The following TBL1X variants were observed in gnomAD, a reference collection of about 807,000 sequenced individuals.
TBL1X encodes the protein F-box-like/WD repeat-containing protein TBL1X.
TBL1X carries 10 observed loss-of-function variants against 50.7 expected under a neutral mutation model. The ratio of observed to expected loss-of-function variants is 0.20; its 90% CI spans 0.12 to 0.33. TBL1X has a LOEUF of 0.33. Ranked by LOEUF, TBL1X falls within the 10% of genes least tolerant of loss-of-function variation. The probability of loss-of-function intolerance (pLI) is 1.00; values close to 1 mark genes in which losing one functional copy is unlikely to be tolerated. For missense variants in TBL1X, 340 were observed against 504.4 expected (o/e 0.67, Z 3.12); for synonymous variants, 190 against 214.7 (o/e 0.88, Z 1.01).
At chrX:9,709,014 A>G (rs893877953) in intron 13 of TBL1X, among the ~76,000 whole-genome samples, 2 of 111,864 alleles carry the variant, frequency 1.8e-5, no homozygotes, top group African/African-American at 6.5e-5. Context: ...TTAATGAAGT[A>G]TGGATGAGAG....
intron 2 of TBL1X, among the ~76,000 whole-genome samples, chrX:9,513,462 A>G (rs748120934): frequency 5.4e-4 from 60 of 111,833 alleles, no homozygotes; most frequent in Non-Finnish European, 9.6e-4. Context: ...GCACCTGCTT[A>G]TCAGATCCTT....
intron 3 of TBL1X, among the ~76,000 whole-genome samples, chrX:9,642,969 C>G (rs779040207): frequency 8.9e-6 from 1 of 112,323 alleles, no homozygotes; most frequent in South Asian, 3.7e-4. Context: ...GGTGAGGCTC[C>G]GAGAGGCCCA....
intron 2 of TBL1X, among the ~76,000 whole-genome samples, chrX:9,599,237 A>G (rs897934579): frequency 9.0e-6 from 1 of 111,448 alleles, no homozygotes; most frequent in African/African-American, 3.3e-5. Flanking sequence ...AGCCACTGCA[A>G]CTGGCCAAAT....
intron 1 of TBL1X, among the ~76,000 whole-genome samples, chrX:9,486,337 G>A (rs1011573202): frequency 9.2e-6 from 1 of 108,720 alleles, no homozygotes; most frequent in Non-Finnish European, 1.9e-5. Flanking sequence ...GGGCTCAAGC[G>A]ATCCTCCCAC....
chrX:9,605,226 A>T (rs1479343494), intron 2 of TBL1X, among the ~76,000 whole-genome samples: 1 of 111,412 alleles, frequency 9.0e-6, no homozygotes, highest in Non-Finnish European at 1.9e-5. Flanking sequence ...GAGCCCACAC[A>T]TGAGATCCAG....
At chrX:9,695,183 A>G (rs2083124246) in intron 11 of TBL1X, among the ~76,000 whole-genome samples, 1 of 110,730 alleles carries the variant, frequency 9.0e-6, no homozygotes, top group South Asian at 3.7e-4. Flanking sequence ...GGTTGCTTTC[A>G]TGCTACAATG....
At chrX:9,481,316 C>G (rs1348223649) in intron 1 of TBL1X, among the ~76,000 whole-genome samples, 1 of 111,978 alleles carries the variant, frequency 8.9e-6, no homozygotes, top group Non-Finnish European at 1.9e-5. Flanking sequence ...ATTGCTCATT[C>G]TTTTGTTTTT....
At chrX:9,697,299 A>G in intron 11 of TBL1X, 70 bp from the exon 12 acceptor site, 3 of 1,174,179 alleles carry the variant, frequency 2.6e-6, no homozygotes, top group Non-Finnish European at 3.5e-6. Flanking sequence ...CTTTTCTTGT[A>G]TGATAAATGT....
At chrX:9,671,738 T>C (rs973014067) in intron 5 of TBL1X, among the ~76,000 whole-genome samples, 1 of 112,510 alleles carries the variant, frequency 8.9e-6, no homozygotes, top group African/African-American at 3.2e-5. Context: ...GCAGAGCCTC[T>C]GCTCACATGG....
intron 2 of TBL1X, among the ~76,000 whole-genome samples, chrX:9,563,377 C>T (rs769469338): frequency 8.9e-6 from 1 of 112,183 alleles, no homozygotes; most frequent in East Asian, 2.8e-4. Flanking sequence ...TCTACAAGGC[C>T]CTTGAGTTCC....
At chrX:9,686,760 G>A (rs925620101) in intron 6 of TBL1X, among the ~76,000 whole-genome samples, 1 of 111,864 alleles carries the variant, frequency 8.9e-6, no homozygotes. Flanking sequence ...TTACTACTTT[G>A]GACAGTTACC....
At chrX:9,713,628 A>T (rs967606296) in intron 16 of TBL1X, among the ~76,000 whole-genome samples, 5 of 109,388 alleles carry the variant, frequency 4.6e-5, no homozygotes, top group African/African-American at 1.7e-4. Flanking sequence ...GGGTCTCACC[A>T]TGTTGGCCAG....
In TBL1X at chrX:9,667,255, C is replaced by T. The variant is rs775496983; in HGVS notation, c.211+12933C>T. On this transcript the variant is annotated intron_variant, in intron 5 of 17. Transcript: ENST00000645353. ...CAGCCTGGGTGACAGAGCGAGACTC[C>T]GTTCCCCCCTACCCCCAAAAAGAAC... is the stretch of plus-strand genomic sequence containing the variant. Among the ~76,000 whole-genome samples, 24 of 111,506 alleles carry T rather than the reference C, an allele frequency of 2.2e-4. No individual in the cohort carries two copies. In the East Asian group the frequency reaches 2.3e-3, roughly 11 times the overall value.
intron 2 of TBL1X, among the ~76,000 whole-genome samples, chrX:9,619,586 T>C (rs2146566922): frequency 8.9e-6 from 1 of 112,739 alleles, no homozygotes; most frequent in East Asian, 2.8e-4. Context: ...ATACATTCAA[T>C]GTTATTTTCA....
In TBL1X at chrX:9,561,479, A is replaced by G. The variant is rs369462094; in HGVS notation, c.-131+59630A>G. 1.0e-3 allele frequency among the ~76,000 whole-genome samples: 117 copies of G among 111,598 alleles called. 1 individual carries two copies. Among genetic ancestry groups the G allele is most frequent in the Non-Finnish European group, 2.0e-3 (107 of 53,095 alleles). ...GGAGCGTTGAAGTCTGAAGAGTGAC[A>G]TCTGGGTTCTCTGTACGTTCTGATT... On this transcript the variant is annotated intron_variant, in intron 2 of 17. Transcript: ENST00000645353.
chrX:9,505,868 AC>A (rs1233008730), intron 2 of TBL1X, among the ~76,000 whole-genome samples: 6 of 111,981 alleles, frequency 5.4e-5, no homozygotes, highest in Non-Finnish European at 9.4e-5. Context: ...AGACTTTAAC[AC>A]CCCACTGTCA....
chrX:9,578,728 G>A (rs2082425309), intron 2 of TBL1X, among the ~76,000 whole-genome samples: 1 of 111,697 alleles, frequency 9.0e-6, no homozygotes, highest in South Asian at 3.8e-4. Flanking sequence ...TGCAAATTGC[G>A]GCAGCATTTA....
intron 1 of TBL1X, among the ~76,000 whole-genome samples, chrX:9,485,712 C>G (rs2081908004): frequency 9.0e-6 from 1 of 111,121 alleles, no homozygotes; most frequent in Admixed American, 9.6e-5. Flanking sequence ...CAAAGCATAG[C>G]TAGTCATCAG....
At chrX:9,669,678 G>A (rs1255502981) in intron 5 of TBL1X, among the ~76,000 whole-genome samples, 1 of 112,102 alleles carries the variant, frequency 8.9e-6, no homozygotes, top group Non-Finnish European at 1.9e-5. Context: ...CCAGGCACAT[G>A]TGAGTACATG....
Sources: gnomAD v4.1 joint callset for allele counts (sites outside exome capture counted in the v4.1 genomes callset) on GRCh38, gnomAD v4.1.1 for gene constraint, MANE v1.5 for transcripts, NCBI Gene and HGNC (gene_info 2026-07-23, HGNC 2026-07-21) for gene names.